ATF7IP2: variants seen among roughly 807,000 people sequenced by gnomAD.
The protein encoded by ATF7IP2 is activating transcription factor 7 interacting protein 2, also known as activating transcription factor 7-interacting protein 2.
A neutral mutation model predicts 64.2 loss-of-function variants in ATF7IP2; 42 were observed. The ratio of observed to expected loss-of-function variants is 0.65; its 90% confidence interval spans 0.51 to 0.85. ATF7IP2 has a LOEUF of 0.85. ATF7IP2 is among the 40% of genes least tolerant of loss of function. The pLI, the probability that ATF7IP2 is intolerant of heterozygous loss-of-function variation, is 0.00. For missense variants in ATF7IP2, 933 were observed against 784.2 expected (o/e 1.19, Z -2.27); for synonymous variants, 308 against 272.8 (o/e 1.13, Z -1.27).
In ATF7IP2 at chr16:10,473,913, A is replaced by C. The variant is rs777857986; in HGVS notation, c.1483-10A>C. Reference sequence around the variant, plus strand: ...GCAAAGCTTTTTTTTTTTTTTTACAATTTTTTTAGGCTGTACAGAAGAAAC... The same window carrying C: ...GCAAAGCTTTTTTTTTTTTTTTACACTTTTTTTAGGCTGTACAGAAGAAAC... On this transcript the variant is annotated splice_polypyrimidine_tract_variant and intron_variant, in intron 11 of 13. Transcript: ENST00000562102. 2 of 1,136,124 alleles carry C rather than the reference A, an allele frequency of 1.8e-6. No homozygotes were observed. Among genetic ancestry groups the C allele is most frequent in the Non-Finnish European group, 2.3e-6 (2 of 886,866 alleles). 70.4% of individuals were successfully genotyped at this position (1,136,124 alleles called of 1,614,324 possible).
chr16:10,419,517 T>G (rs2047949599), intron 2 of ATF7IP2, 64 bp from the exon 3 acceptor site: 1 of 153,100 alleles, frequency 6.5e-6, no homozygotes, highest in Non-Finnish European at 1.5e-5. Flanking sequence ...ATGGCAATGG[T>G]GATCACTGCT....
At chr16:10,426,065 C>A (rs1180368393) in intron 3 of ATF7IP2, among the ~76,000 whole-genome samples, 5 of 152,124 alleles carry the variant, frequency 3.3e-5, no homozygotes, top group Admixed American at 3.3e-4. Flanking sequence ...AAAATAGGTC[C>A]TTTCCTCTTT....
At chr16:10,391,111 C>T (rs1426698386) in intron 1 of ATF7IP2, among the ~76,000 whole-genome samples, 3 of 151,236 alleles carry the variant, frequency 2.0e-5, no homozygotes, top group Non-Finnish European at 4.4e-5. Flanking sequence ...GAGCTATGAT[C>T]GCGCCATTGC....
intron 10 of ATF7IP2, 68 bp downstream of exon 10, chr16:10,472,251 G>T: frequency 1.4e-6 from 1 of 729,216 alleles, no homozygotes; most frequent in Non-Finnish European, 2.2e-6. Context: ...TTGCTTTAAA[G>T]TGAAAAATTG....
intron 11 of ATF7IP2, 122 bp from the exon 12 acceptor site, chr16:10,473,801 A>G: frequency 1.5e-6 from 1 of 668,428 alleles, no homozygotes; most frequent in East Asian, 2.7e-5. Context: ...AGAATGTTCC[A>G]TCTCTAGTTT....
chr16:10,401,526 T>G (rs950204672), intron 1 of ATF7IP2, among the ~76,000 whole-genome samples: 7 of 152,180 alleles, frequency 4.6e-5, no homozygotes, highest in Non-Finnish European at 8.8e-5. Flanking sequence ...TAGGATTATT[T>G]CATTTATGTT....
chr16:10,415,306 C>T (rs1002982788), intron 2 of ATF7IP2, among the ~76,000 whole-genome samples: 7 of 152,214 alleles, frequency 4.6e-5, no homozygotes, highest in East Asian at 1.9e-4. Context: ...ATAGATATCC[C>T]GGAAACAAAT....
At chr16:10,398,458 T>C (rs2047463055) in intron 1 of ATF7IP2, among the ~76,000 whole-genome samples, 1 of 152,208 alleles carries the variant, frequency 6.6e-6, no homozygotes, top group East Asian at 1.9e-4. Context: ...AGGAATCTTA[T>C]TGGATATATA....
chr16:10,403,764 TC>T (rs2047581323), intron 1 of ATF7IP2, among the ~76,000 whole-genome samples: 1 of 152,182 alleles, frequency 6.6e-6, no homozygotes, highest in Non-Finnish European at 1.5e-5. Context: ...AGATATCTTT[TC>T]GTAAAACCAA....
intron 9 of ATF7IP2, among the ~76,000 whole-genome samples, chr16:10,468,937 C>T (rs2049684658): frequency 6.6e-6 from 1 of 152,092 alleles, no homozygotes; most frequent in South Asian, 2.1e-4. Flanking sequence ...CAATTAGTCC[C>T]AGAGACTGCA....
chr16:10,421,966 T>C (rs566199172), intron 3 of ATF7IP2, among the ~76,000 whole-genome samples: 7 of 152,238 alleles, frequency 4.6e-5, no homozygotes, highest in Non-Finnish European at 5.9e-5. Flanking sequence ...TAAAGGCCAA[T>C]TTTTCAGAAT....
intron 1 of ATF7IP2, among the ~76,000 whole-genome samples, chr16:10,399,163 G>A (rs2047478574): frequency 6.6e-6 from 1 of 152,124 alleles, no homozygotes; most frequent in African/African-American, 2.4e-5. Flanking sequence ...TGACTAGTCA[G>A]TAACAATATG....
At chr16:10,393,289 C>G (rs992734838) in intron 1 of ATF7IP2, among the ~76,000 whole-genome samples, 9 of 121,324 alleles carry the variant, frequency 7.4e-5, no homozygotes, top group Admixed American at 4.2e-4. Context: ...GCACTCCAGG[C>G]TGGGTGACAG....
chr16:10,482,748 G>C lies in ATF7IP2; in HGVS notation c.*499G>C, dbSNP rs979943242. 5 of 150,226 alleles carry C rather than the reference G, an allele frequency of 3.3e-5. No homozygotes were observed. Among genetic ancestry groups the C allele is most frequent in the Admixed American group, 3.3e-4 (5 of 15,178 alleles). The allele number at this position is 150,226 out of a possible 1,614,324, so 9.3% of individuals were successfully genotyped here. On this transcript the variant is annotated 3_prime_UTR_variant, in exon 14 of 14. Transcript: ENST00000562102. ...TAAAAATTAAAAGATTTTTTTTTTT[G>C]AGATGGAATATTGCTCTGTTGCCCA... is the stretch of plus-strand genomic sequence containing the variant.
At chr16:10,423,205 C>T (rs2048021186) in intron 3 of ATF7IP2, among the ~76,000 whole-genome samples, 4 of 152,148 alleles carry the variant, frequency 2.6e-5, no homozygotes. Context: ...GACCACACCA[C>T]TGCACTCCAG....
chr16:10,405,796 A>G (rs1026445989), intron 1 of ATF7IP2, among the ~76,000 whole-genome samples: 2 of 152,198 alleles, frequency 1.3e-5, no homozygotes, highest in Admixed American at 1.3e-4. Context: ...TGTACTGACA[A>G]TAAACCTGTG....
intron 9 of ATF7IP2, among the ~76,000 whole-genome samples, chr16:10,459,296 G>T (rs138452238): frequency 1.3e-5 from 2 of 151,872 alleles, no homozygotes; most frequent in African/African-American, 4.8e-5. Context: ...GTGAAACGCC[G>T]TCTCTACTAA....
At chr16:10,418,975 T>C (rs35456286) in intron 2 of ATF7IP2, among the ~76,000 whole-genome samples, 95,953 of 152,048 alleles carry the variant, frequency 0.63, 30,471 homozygotes, top group East Asian at 0.7. Context: ...AGGTACAATT[T>C]GTGCTAAACA....
At chr16:10,468,896 G>T (rs868259071) in intron 9 of ATF7IP2, among the ~76,000 whole-genome samples, 1 of 152,288 alleles carries the variant, frequency 6.6e-6, no homozygotes, top group South Asian at 2.1e-4. Context: ...AACAGGTAGG[G>T]TCCACAGATG....
Sources: gnomAD v4.1 joint callset for allele counts (sites outside exome capture counted in the v4.1 genomes callset) on GRCh38, gnomAD v4.1.1 for gene constraint, MANE v1.5 for transcripts, NCBI Gene and HGNC (gene_info 2026-07-23, HGNC 2026-07-21) for gene names.